Variants in TRIM26 observed in about 807,000 individuals in gnomAD.
The protein encoded by TRIM26 is tripartite motif-containing protein 26.
TRIM26 carries 16 observed loss-of-function variants against 45.5 expected under a neutral mutation model. The ratio of observed to expected loss-of-function variants is 0.35; its 90% CI spans 0.24 to 0.53. The LOEUF (loss-of-function observed/expected upper bound fraction) is 0.53, where lower values mean the gene tolerates loss of function less well. TRIM26 is among the 20% of genes least tolerant of loss of function. The pLI, the probability that TRIM26 is intolerant of heterozygous loss-of-function variation, is 0.92. For synonymous variants in TRIM26, 273 were observed against 290.4 expected (o/e 0.94, Z 0.61); for missense variants, 442 against 691.1 (o/e 0.64, Z 4.04).
chr6:30,197,491 C>T (rs533031434), intron 5 of TRIM26, among the ~76,000 whole-genome samples: 28 of 152,290 alleles, frequency 1.8e-4, no homozygotes, highest in African/African-American at 6.7e-4. Context: ...TCAACATACA[C>T]AGTTCCCCAG....
chr6:30,197,223 T>A (rs1177954605), intron 5 of TRIM26, among the ~76,000 whole-genome samples: 1 of 152,280 alleles, frequency 6.6e-6, no homozygotes, highest in East Asian at 1.9e-4. Flanking sequence ...TAAGACTGCA[T>A]CCTGTTTCCT....
intron 1 of TRIM26, among the ~76,000 whole-genome samples, chr6:30,208,190 C>A (rs922049764): frequency 6.6e-6 from 1 of 152,184 alleles, no homozygotes; most frequent in Non-Finnish European, 1.5e-5. Context: ...TGAAGGAATG[C>A]GAACAATCTT....
intron 2 of TRIM26, among the ~76,000 whole-genome samples, chr6:30,203,910 T>A (rs1777457597): frequency 1.3e-5 from 2 of 151,942 alleles, no homozygotes; most frequent in Admixed American, 6.6e-5. Flanking sequence ...GGGAGGGAGC[T>A]ACAGTTTTCT....
chr6:30,208,515 C>CTTTTTTTTTTTTTTTT, intron 1 of TRIM26, among the ~76,000 whole-genome samples: 1 of 128,224 alleles, frequency 7.8e-6, no homozygotes, highest in Non-Finnish European at 1.6e-5. Flanking sequence ...AATTTTTTTC[C>CTTTTTTTTTTTTTTTT]TTTTTTTTTT....
chr6:30,189,822 C>CT lies in TRIM26; in HGVS notation c.788+190_788+191insA, dbSNP rs5875240. ...CAAGGAGCTGGGGCTACACAGAGAA[C>CT]CATAAGGAGGAGAGCAAGTCTCCAG... On this transcript the variant is annotated intron_variant, in intron 7 of 9. Transcript: ENST00000454678. This position sits in a 1 kb window ranked among gnomAD's most constrained non-coding sequence, Gnocchi z 5.0. The CT allele has an allele frequency of 0.43, 295,660 of 694,100 alleles. 64,383 individuals carry two copies. Among genetic ancestry groups the CT allele is most frequent in the Non-Finnish European group, 0.45 (185,705 of 412,182 alleles). 43.0% of individuals were successfully genotyped at this position (694,100 alleles called of 1,614,324 possible). A position where few individuals can be genotyped will look rare whatever the true frequency, so the allele number is the denominator to read the frequency against.
In TRIM26 at chr6:30,196,572, G is replaced by A; in HGVS notation, c.709C>T (p.Leu237=). ...RGVGELARLA[L]VISELEGKAQ... The stretch of plus-strand genomic sequence containing the variant: ...TTGCCCTCCAGTTCGGAGATGACCA[G>A]GGCCAGCCGGGCAAGCTCCCCGACG... The change falls in exon 6 of 10, where the codon CTG becomes TTG. Residue 237 remains leucine, a synonymous_variant. Transcript: ENST00000454678. The surrounding 1 kb of genome is among the most constrained non-coding windows in gnomAD (Gnocchi z 4.9). 6.2e-7 allele frequency: 1 copy of A among 1,612,350 alleles called. No homozygotes were observed. The highest frequency in any genetic ancestry group is 8.5e-7 in the Non-Finnish European group (1 of 1,180,036).
Position 30,209,829 on chromosome 6 carries a change from G to A in TRIM26, c.-376+3476C>T, listed in dbSNP as rs2517605. Among the ~76,000 whole-genome samples the A allele has an allele frequency of 0.012, 1,759 of 151,522 alleles. 24 individuals are homozygous for A. Among genetic ancestry groups the A allele is most frequent in the Middle Eastern group, 0.031 (9 of 294 alleles). ...AGCCTGGCCAACATAGGGAGAGACTGTCTCTAAAATAAAATAAATAAATAA... is the reference window on the plus strand; with the variant it reads ...AGCCTGGCCAACATAGGGAGAGACTATCTCTAAAATAAAATAAATAAATAA... On this transcript the variant is annotated intron_variant, in intron 1 of 9. Transcript: ENST00000454678. This position sits in a 1 kb window ranked among gnomAD's most constrained non-coding sequence, Gnocchi z 4.8.
rs776963159 is a variant in TRIM26 at position 30,186,499 on chromosome 6, T to TA, written c.996_997insT (p.Lys333Ter). 1.3e-6 allele frequency: 2 copies of TA among 1,541,168 alleles called. No individual in the cohort carries two copies. The highest frequency in any genetic ancestry group is 1.7e-6 in the Non-Finnish European group (2 of 1,144,904). On this transcript the variant is annotated frameshift_variant, in exon 10 of 10. Coordinates refer to ENST00000454678, the MANE Select transcript of TRIM26 (RefSeq NM_003449.5). LOFTEE classifies it low-confidence loss of function (END_TRUNC). The surrounding 1 kb of genome is among the most constrained non-coding windows in gnomAD (Gnocchi z 7.4). ...TACAGGCTGGTGTAGGTCACGCACT[T>TA]CCAGTCCTCTGACAGCTGCAGGTAC...
Position 30,190,460 on chromosome 6 carries a change from A to G in TRIM26, c.766-425T>C. 4.5e-6 allele frequency: 1 copy of G among 221,614 alleles called. No individual in the cohort carries two copies. Among genetic ancestry groups the G allele is most frequent in the South Asian group, 7.8e-5 (1 of 12,882 alleles). The allele number at this position is 221,614 out of a possible 1,614,324, so 13.7% of individuals were successfully genotyped here. A position where few individuals can be genotyped will look rare whatever the true frequency, so the allele number is the denominator to read the frequency against. ...ACCAAGGGTTTCAAGTAGGGGCATG[A>G]TATGTGTGATCCGCTCTACATGTGG... On this transcript the variant is annotated intron_variant, in intron 6 of 9. Coordinates refer to ENST00000454678, the MANE Select transcript of TRIM26 (RefSeq NM_003449.5). The surrounding 1 kb of genome is among the most constrained non-coding windows in gnomAD (Gnocchi z 4.3).
rs1043229122 is a variant in TRIM26, at chr6:30,198,162, T to C, written c.534+267A>G. On this transcript the variant is annotated intron_variant, in intron 5 of 9. Transcript: ENST00000454678. The surrounding 1 kb of genome is among the most constrained non-coding windows in gnomAD (Gnocchi z 6.3). ...CAGCAGCTGGACATGGGCCCTGCCT[T>C]CAAGGTGACAGTCACAGAAAACGGA... is the stretch of plus-strand genomic sequence containing the variant. Among the ~76,000 whole-genome samples, 2 of 152,190 alleles carry C rather than the reference T, an allele frequency of 1.3e-5. No individual in the cohort carries two copies. Among genetic ancestry groups the C allele is most frequent in the Non-Finnish European group, 2.9e-5 (2 of 68,026 alleles).
In TRIM26 at chr6:30,209,413, G is replaced by A. The variant is rs1300463611; in HGVS notation, c.-376+3892C>T. On this transcript the variant is annotated intron_variant, in intron 1 of 9. Coordinates refer to ENST00000454678, the MANE Select transcript of TRIM26 (RefSeq NM_003449.5). This position sits in a 1 kb window ranked among gnomAD's most constrained non-coding sequence, Gnocchi z 4.8. ...ACGTGTTGGAAACGTAATTGCCAAT[G>A]TAACGGTATTAAGAGGTGGGGTCTT... 1.3e-5 allele frequency among the ~76,000 whole-genome samples: 2 copies of A among 152,184 alleles called. No individual in the cohort carries two copies. Among genetic ancestry groups the A allele is most frequent in the East Asian group, 3.8e-4 (2 of 5,200 alleles).
At chr6:30,194,922 A>G (rs1776301830) in intron 6 of TRIM26, among the ~76,000 whole-genome samples, 1 of 152,162 alleles carries the variant, frequency 6.6e-6, no homozygotes, top group Non-Finnish European at 1.5e-5. Context: ...AAACCTCTAC[A>G]TCCCATAAAT....
chr6:30,194,322 G>C (rs1215504587), intron 6 of TRIM26, among the ~76,000 whole-genome samples: 1 of 151,772 alleles, frequency 6.6e-6, no homozygotes, highest in Non-Finnish European at 1.5e-5. Flanking sequence ...GGGGGCTGGG[G>C]AGAGGAGGGT....
At chr6:30,211,023 A>G (rs145407099) in intron 1 of TRIM26, among the ~76,000 whole-genome samples, 38 of 152,244 alleles carry the variant, frequency 2.5e-4, no homozygotes, top group Middle Eastern at 3.4e-3. Flanking sequence ...TGTGAACCCA[A>G]AGGTCATGCC....
At chr6:30,210,162 G>A (rs3129695) in intron 1 of TRIM26, among the ~76,000 whole-genome samples, 15,667 of 151,392 alleles carry the variant, frequency 0.1, 981 homozygotes, top group Non-Finnish European at 0.14. Flanking sequence ...CTGAGATCAC[G>A]CCACTGCACT....
At chr6:30,201,747 G>T (rs1458179402) in intron 2 of TRIM26, among the ~76,000 whole-genome samples, 2 of 152,114 alleles carry the variant, frequency 1.3e-5, no homozygotes, top group Non-Finnish European at 2.9e-5. Flanking sequence ...AGGAGGCTGA[G>T]GCAGGAGAAT....
rs1401903724 is a variant in TRIM26 at position 30,199,140 on chromosome 6, G to A, written c.-37C>T. 7.2e-6 allele frequency: 11 copies of A among 1,517,990 alleles called. No homozygotes were observed. Among genetic ancestry groups the A allele is most frequent in the Non-Finnish European group, 9.7e-6 (11 of 1,131,376 alleles). The allele number at this position is 1,517,990 out of a possible 1,614,324, so 94.0% of individuals were successfully genotyped here. A position where few individuals can be genotyped will look rare whatever the true frequency, so the allele number is the denominator to read the frequency against. On this transcript the variant is annotated 5_prime_UTR_variant, in exon 4 of 10. Coordinates refer to ENST00000454678, the MANE Select transcript of TRIM26 (RefSeq NM_003449.5). ...TTCAGAGAGGTCTCCGTTCACTGGT[G>A]AGGACTTCTTCTCCTTGGAGACGCG...
At chr6:30,193,206 G>C (rs1451912423) in intron 6 of TRIM26, among the ~76,000 whole-genome samples, 1 of 67,706 alleles carries the variant, frequency 1.5e-5, no homozygotes, top group African/African-American at 6.9e-5. Context: ...TTTTTTAATG[G>C]AGTCTCACTC....
Position 30,198,364 on chromosome 6 carries a change from G to T in TRIM26, c.534+65C>A. 2 of 1,577,110 alleles carry T rather than the reference G, an allele frequency of 1.3e-6. No homozygotes were observed. The highest frequency in any genetic ancestry group is 1.7e-6 in the Non-Finnish European group (2 of 1,150,236). ...AACACCTCCCAGCTGCCGCCTACTT[G>T]CCCAGGCTCACCCTGCCCTACACGG... is the stretch of plus-strand genomic sequence containing the variant. On this transcript the variant is annotated intron_variant, in intron 5 of 9. Coordinates refer to ENST00000454678, the MANE Select transcript of TRIM26 (RefSeq NM_003449.5). The surrounding 1 kb of genome is among the most constrained non-coding windows in gnomAD (Gnocchi z 6.3).
Sources: gnomAD v4.1 joint callset for allele counts (sites outside exome capture counted in the v4.1 genomes callset) on GRCh38, gnomAD v4.1.1 for gene constraint, Gnocchi (gnomAD v3.1) non-coding constraint, MANE v1.5 for transcripts, NCBI Gene and HGNC (gene_info 2026-07-23, HGNC 2026-07-21) for gene names.